ITGB2: variants seen among roughly 807,000 people sequenced by gnomAD.
ITGB2 encodes the protein integrin beta-2.
A neutral mutation model predicts 86.8 loss-of-function variants in ITGB2; 56 were observed. That is an observed-to-expected ratio of 0.65 (90% confidence interval 0.52 to 0.81). The LOEUF (loss-of-function observed/expected upper bound fraction) is 0.81, where lower values mean the gene tolerates loss of function less well. Ranked by LOEUF, ITGB2 falls within the 30% of genes least tolerant of loss-of-function variation. The pLI, the probability that ITGB2 is intolerant of heterozygous loss-of-function variation, is 0.00. For synonymous variants in ITGB2, 457 were observed against 450.4 expected, an observed-to-expected ratio of 1.01 and a Z score of -0.19; for missense variants, 948 against 1,061.2, an observed-to-expected ratio of 0.89 and a Z score of 1.48.
chr21:44,890,798 G>A (rs1172718533), intron 11 of ITGB2, among the ~76,000 whole-genome samples: 1 of 152,150 alleles, frequency 6.6e-6, no homozygotes. Flanking sequence ...GGAAGCTGCA[G>A]GACCGAGTGT....
chr21:44,899,362 G>A (rs955663632), intron 7 of ITGB2, among the ~76,000 whole-genome samples, 200 bp from the exon 8 acceptor site: 3 of 152,356 alleles, frequency 2.0e-5, no homozygotes, highest in Non-Finnish European at 2.9e-5. Flanking sequence ...GCATAGACTC[G>A]GGCTTTCAGA....
At chr21:44,913,284 G>A (rs1022097463) in intron 1 of ITGB2, among the ~76,000 whole-genome samples, 3 of 152,228 alleles carry the variant, frequency 2.0e-5, no homozygotes, top group Middle Eastern at 6.8e-3. Flanking sequence ...GCAGACATGA[G>A]GTCTCCGCCC....
chr21:44,925,786 C>T (rs1172259310), upstream of ITGB2, among the ~76,000 whole-genome samples: 2 of 152,174 alleles, frequency 1.3e-5, no homozygotes, highest in Admixed American at 6.5e-5. Flanking sequence ...AGCATTAAAA[C>T]AGCTGTTAGA....
chr21:44,889,240 A>C (rs774458390), intron 13 of ITGB2, 36 bp downstream of exon 13: 2 of 1,597,218 alleles, frequency 1.3e-6, no homozygotes, highest in Non-Finnish European at 1.7e-6. Flanking sequence ...GGGAGTGGGG[A>C]TCCCTGCCCG....
intron 1 of ITGB2, among the ~76,000 whole-genome samples, chr21:44,911,841 G>A (rs1184309866): frequency 6.6e-6 from 1 of 152,166 alleles, no homozygotes; most frequent in Non-Finnish European, 1.5e-5. Context: ...TCCACCCCTG[G>A]GTTCCCTTCC....
upstream of ITGB2, among the ~76,000 whole-genome samples, chr21:44,924,445 C>T (rs1408711952): frequency 6.6e-6 from 1 of 151,972 alleles, no homozygotes; most frequent in Non-Finnish European, 1.5e-5. Flanking sequence ...ACAAAAACAA[C>T]AACAAACAAA....
rs889345960 is a variant in ITGB2 at position 44,910,884 on chromosome 21, G to A, written c.-3-99C>T. ...CAGCTGGCCTGGGACAAGGAGCTGGGGCCCTGTCCCTGCTGCAGGGGGTGG... is the reference window on the plus strand; with the variant it reads ...CAGCTGGCCTGGGACAAGGAGCTGGAGCCCTGTCCCTGCTGCAGGGGGTGG... On this transcript the variant is annotated intron_variant, in intron 1 of 15. Coordinates refer to ENST00000652462, the MANE Select transcript of ITGB2 (RefSeq NM_000211.5). 17 of 1,246,464 alleles carry A rather than the reference G, an allele frequency of 1.4e-5. No individual in the cohort carries two copies. In the South Asian group the frequency reaches 2.0e-4, roughly 15 times the overall value. The allele number at this position is 1,246,464 out of a possible 1,614,324, so 77.2% of individuals were successfully genotyped here. A position where few individuals can be genotyped will look rare whatever the true frequency, so the allele number is the denominator to read the frequency against.
chr21:44,895,993 G>A (rs746914365), intron 8 of ITGB2, among the ~76,000 whole-genome samples: 21 of 152,182 alleles, frequency 1.4e-4, no homozygotes, highest in Non-Finnish European at 8.8e-5. Context: ...AGGCCTGCCC[G>A]TGTGAGTCCT....
intron 12 of ITGB2, 149 bp downstream of exon 12, chr21:44,889,829 C>T (rs1222657435): frequency 1.7e-6 from 2 of 1,201,388 alleles, no homozygotes; most frequent in African/African-American, 1.5e-5. Context: ...CAAGTTCCTG[C>T]TGACGCCCGG....
rs1568902054 is a variant in ITGB2 at position 44,910,363 on chromosome 21, TGA to T, written c.66_67del (p.Gln23GlyfsTer35). ...GCTGACCTTGAACTTCGTGCACTCC[TGA>T]GAGAGGACTGAGGGACGAGGCCGGC... is the stretch of plus-strand genomic sequence containing the variant. On this transcript the variant is annotated frameshift_variant, in exon 3 of 16. Transcript: ENST00000652462. LOFTEE classifies it high-confidence loss of function. 1.3e-5 allele frequency: 21 copies of T among 1,614,144 alleles called. No homozygotes were observed. Among genetic ancestry groups the T allele is most frequent in the Non-Finnish European group, 1.8e-5 (21 of 1,180,012 alleles).
intron 1 of ITGB2, 57 bp from the exon 2 acceptor site, chr21:44,910,842 C>T: frequency 6.5e-7 from 1 of 1,545,742 alleles, no homozygotes; most frequent in Non-Finnish European, 8.8e-7. Flanking sequence ...GGGCTGACCA[C>T]CCATGAAGCT....
rs142129528 is a variant in ITGB2, at chr21:44,917,329, T to C, written c.-4+3492A>G. Among the ~76,000 whole-genome samples the C allele has an allele frequency of 4.9e-3, 752 of 152,306 alleles. 6 individuals are homozygous for C. The highest frequency in any genetic ancestry group is 0.018 in the African/African-American group (728 of 41,566). Reference sequence around the variant, plus strand: ...TATGGGGAAAAAAAGAGAGACACAGTTCCAAAATATTCTGCATTTCTCTGG... The same window carrying C: ...TATGGGGAAAAAAAGAGAGACACAGCTCCAAAATATTCTGCATTTCTCTGG... On this transcript the variant is annotated intron_variant, in intron 1 of 15. Coordinates refer to ENST00000652462, the MANE Select transcript of ITGB2 (RefSeq NM_000211.5).
Position 44,907,024 on chromosome 21 carries a change from A to G in ITGB2, c.219T>C (p.Cys73=), listed in dbSNP as rs1223311641. Residue 73 remains cysteine (C), a synonymous_variant, in exon 4 of 16, where the codon TGT becomes TGC. Coordinates refer to ENST00000652462, the MANE Select transcript of ITGB2 (RefSeq NM_000211.5). ...DTRPQLLMRG[C]AADDIMDPTS... ...TGGGGTCCATGATGTCGTCAGCCGCACAGCCCCTCATGAGCAGCTGTGGCC... is the reference window on the plus strand; with the variant it reads ...TGGGGTCCATGATGTCGTCAGCCGCGCAGCCCCTCATGAGCAGCTGTGGCC... 5.0e-6 allele frequency: 8 copies of G among 1,613,878 alleles called. No individual in the cohort carries two copies. Among genetic ancestry groups the G allele is most frequent in the Non-Finnish European group, 6.8e-6 (8 of 1,179,944 alleles).
intron 11 of ITGB2, among the ~76,000 whole-genome samples, 199 bp downstream of exon 11, chr21:44,891,610 G>A (rs1304677261): frequency 6.6e-6 from 1 of 152,214 alleles, no homozygotes; most frequent in African/African-American, 2.4e-5. Flanking sequence ...CCTGGCTCAG[G>A]AGCACGGGTG....
chr21:44,923,320 T>C (rs562757526), upstream of ITGB2, among the ~76,000 whole-genome samples: 5 of 152,326 alleles, frequency 3.3e-5, no homozygotes, highest in East Asian at 9.6e-4. Context: ...GCATGGACCA[T>C]ATTTTAAAAT....
chr21:44,887,959 C>T (rs2083723536), intron 14 of ITGB2, among the ~76,000 whole-genome samples: 1 of 152,212 alleles, frequency 6.6e-6, no homozygotes, highest in Non-Finnish European at 1.5e-5. Context: ...TGGAGTCCGC[C>T]AGCGGCCCCC....
intron 8 of ITGB2, 29 bp from the exon 9 acceptor site, chr21:44,895,089 C>CA: frequency 6.5e-7 from 1 of 1,533,230 alleles, no homozygotes; most frequent in East Asian, 2.2e-5. Context: ...AGACATGGCA[C>CA]GGCTAGGACC....
intron 7 of ITGB2, among the ~76,000 whole-genome samples, chr21:44,899,620 A>G (rs1000214927): frequency 3.3e-5 from 5 of 152,188 alleles, no homozygotes; most frequent in African/African-American, 1.2e-4. Context: ...TGCGGCCCCC[A>G]GAGCCTACAA....
At chr21:44,903,215 G>A in intron 5 of ITGB2, 150 bp downstream of exon 5, 1 of 850,916 alleles carries the variant, frequency 1.2e-6, no homozygotes. Context: ...CAGGCCGACT[G>A]CAGCCCTGTG....
Sources: allele counts gnomAD v4.1 joint callset (sites outside exome capture counted in the v4.1 genomes callset), GRCh38; gene constraint gnomAD v4.1.1; transcripts MANE v1.5; gene names NCBI Gene and HGNC (gene_info 2026-07-23, HGNC 2026-07-21).